Variants in ADGRG5 observed in about 807,000 individuals in gnomAD.
The protein encoded by ADGRG5 is G protein-coupled receptor 114.
A neutral mutation model predicts 53.2 loss-of-function variants in ADGRG5; 37 were observed. That is an observed-to-expected ratio of 0.70 (90% CI 0.53 to 0.91). ADGRG5 has a LOEUF of 0.91. ADGRG5 is among the 40% of genes least tolerant of loss of function. ADGRG5 has a pLI of 0.00. For missense variants in ADGRG5, 614 were observed against 675.8 expected, an observed-to-expected ratio of 0.91 and a Z score of 1.01; for synonymous variants, 277 against 290.4, an observed-to-expected ratio of 0.95 and a Z score of 0.47.
chr16:57,537,444 A>T, the ADGRG5 span, among the ~76,000 whole-genome samples: 1 of 152,234 alleles, frequency 6.6e-6, no homozygotes. Flanking sequence ...TGATTAACGG[A>T]GTTTAGATTA....
In ADGRG5 at chr16:57,574,874, C is replaced by G. The variant is rs761981384; in HGVS notation, c.1268C>G (p.Thr423Arg). 3 of 1,611,394 alleles carry G rather than the reference C, an allele frequency of 1.9e-6. No homozygotes were observed. The highest frequency in any genetic ancestry group is 2.5e-6 in the Non-Finnish European group (3 of 1,179,306). ...CTGGTCATGGGCTACGGCGGCCTCA[C>G]GTCCCTCTTCAACCTGGTGGTGCTG... ...SVLVMGYGGL[T>R]SLFNLVVLAW... The change falls in exon 11 of 12, where the codon ACG becomes AGG. Residue 423 changes from threonine (T) to arginine (R), a missense_variant. By Grantham distance (71) the Thr-to-Arg change is moderately conservative. Transcript: ENST00000349457. The surrounding 1 kb of genome is among the most constrained non-coding windows in gnomAD (Gnocchi z 4.4).
chr16:57,568,240 C>A, intron 9 of ADGRG5, 116 bp downstream of exon 9: 2 of 999,332 alleles, frequency 2.0e-6, no homozygotes, highest in African/African-American at 1.6e-5. Context: ...ACATGACCAC[C>A]AGCTGTGAAC....
intron 1 of ADGRG5, chr16:57,543,300 T>TTG (rs2032532282): frequency 6.7e-6 from 1 of 148,220 alleles, no homozygotes; most frequent in East Asian, 2.0e-4. Flanking sequence ...TTTTTTTTTT[T>TTG]GAGACGGAGT....
chr16:57,563,607 G>A (rs2033056788), intron 4 of ADGRG5, among the ~76,000 whole-genome samples: 1 of 152,234 alleles, frequency 6.6e-6, no homozygotes, highest in Non-Finnish European at 1.5e-5. Flanking sequence ...CTGGGGCTGG[G>A]TGCTGAGGTA....
At chr16:57,550,879 T>C (rs112302914) in intron 1 of ADGRG5, among the ~76,000 whole-genome samples, 2 of 152,178 alleles carry the variant, frequency 1.3e-5, no homozygotes, top group African/African-American at 4.8e-5. Flanking sequence ...AATACAAAAA[T>C]TAGCCGAGCA....
Position 57,575,766 on chromosome 16 carries a change from A to C in ADGRG5, c.*228A>C, listed in dbSNP as rs1178582415. 1 of 523,034 alleles carries C rather than the reference A, an allele frequency of 1.9e-6. No individual in the cohort carries two copies. Among genetic ancestry groups the C allele is most frequent in the African/African-American group, 1.9e-5 (1 of 52,318 alleles). 32.4% of individuals were successfully genotyped at this position (523,034 alleles called of 1,614,324 possible). The stretch of plus-strand genomic sequence containing the variant: ...CAGATCCAACCTTACCTGGGGCAGC[A>C]AACTTTGTCCTGGTACCTGGGCCCA... On this transcript the variant is annotated 3_prime_UTR_variant, in exon 12 of 12. Coordinates refer to ENST00000349457, the MANE Select transcript of ADGRG5 (RefSeq NM_001304376.3).
chr16:57,568,485 C>T (rs1194993742), intron 9 of ADGRG5, among the ~76,000 whole-genome samples: 1 of 151,302 alleles, frequency 6.6e-6, no homozygotes, highest in Non-Finnish European at 1.5e-5. Context: ...TTATCGCCAT[C>T]ACCTCCTCCA....
chr16:57,564,117 C>T, intron 5 of ADGRG5, 138 bp downstream of exon 5: 1 of 929,806 alleles, frequency 1.1e-6, no homozygotes, highest in South Asian at 1.6e-5. Flanking sequence ...TCCAAGCCAG[C>T]AATTGTCCCT....
the ADGRG5 span, among the ~76,000 whole-genome samples, chr16:57,535,008 C>T: frequency 6.6e-6 from 1 of 152,210 alleles, no homozygotes; most frequent in African/African-American, 2.4e-5. Flanking sequence ...GTGCCCCAAC[C>T]CCTTCCCCGG....
the ADGRG5 span, among the ~76,000 whole-genome samples, chr16:57,531,022 C>T: frequency 6.6e-6 from 1 of 151,942 alleles, no homozygotes; most frequent in African/African-American, 2.4e-5. Flanking sequence ...AGGTGAACCC[C>T]CTGGGCTTAT....
rs77735549 is a variant in ADGRG5, at chr16:57,574,304, C to T, written c.1209-511C>T. Among the ~76,000 whole-genome samples, 4,873 of 152,286 alleles carry T rather than the reference C, an allele frequency of 0.032. 256 individuals carry two copies. The highest frequency in any genetic ancestry group is 0.11 in the African/African-American group (4,451 of 41,538). ...TCCACCAAGCCACAGGTTGGCAGCC[C>T]GCCCACTCTCCAGCGCAGGCCTTGG... On this transcript the variant is annotated intron_variant, in intron 10 of 11. Transcript: ENST00000349457. The surrounding 1 kb of genome is among the most constrained non-coding windows in gnomAD (Gnocchi z 4.4).
intron 1 of ADGRG5, among the ~76,000 whole-genome samples, chr16:57,559,953 G>A (rs573702190): frequency 1.3e-5 from 2 of 152,104 alleles, no homozygotes; most frequent in Admixed American, 6.5e-5. Context: ...TCGTTTTCTT[G>A]TACAACTTGG....
chr16:57,575,092 G>A lies in ADGRG5; in HGVS notation c.1486G>A (p.Gly496Ser), dbSNP rs146406891. The A allele has an allele frequency of 6.8e-6, 11 of 1,610,180 alleles. No individual in the cohort carries two copies. Among genetic ancestry groups the A allele is most frequent in the Middle Eastern group, 1.7e-4 (1 of 6,040 alleles). Reference sequence around the variant, plus strand: ...CTTCACCATCTTAAACTCGCTCTACGGTAGGGCTGGAGGGCGGCCTGGAGG... The same window carrying A: ...CTTCACCATCTTAAACTCGCTCTACAGTAGGGCTGGAGGGCGGCCTGGAGG... ...FLFTILNSLY[G>S]FFLFLWFCSQ... Residue 496 changes from glycine (G) to serine (S), a missense_variant and splice_region_variant, in exon 11 of 12, where the codon GGT becomes AGT. By Grantham distance (56) the Gly-to-Ser change is moderately conservative. Coordinates refer to ENST00000349457, the MANE Select transcript of ADGRG5 (RefSeq NM_001304376.3).
chr16:57,561,412 A>G (rs946869987), intron 1 of ADGRG5, among the ~76,000 whole-genome samples: 4 of 151,892 alleles, frequency 2.6e-5, no homozygotes, highest in Non-Finnish European at 5.9e-5. Context: ...GTCTTCTTTC[A>G]TGATTTACTC....
intron 4 of ADGRG5, among the ~76,000 whole-genome samples, chr16:57,563,617 A>T (rs1330595369): frequency 1.3e-5 from 2 of 152,202 alleles, no homozygotes; most frequent in African/African-American, 4.8e-5. Flanking sequence ...GTGCTGAGGT[A>T]GCTCCATCTT....
At chr16:57,532,487 C>T in the ADGRG5 span, among the ~76,000 whole-genome samples, 1 of 152,160 alleles carries the variant, frequency 6.6e-6, no homozygotes, top group Admixed American at 6.6e-5. Context: ...AACATCTGTG[C>T]ACACACAGAC....
intron 1 of ADGRG5, among the ~76,000 whole-genome samples, chr16:57,561,664 G>A (rs117809737): frequency 4.6e-5 from 7 of 152,364 alleles, no homozygotes; most frequent in Non-Finnish European, 8.8e-5. Flanking sequence ...AGGAGAGACA[G>A]ATCCTACCCA....
At chr16:57,561,743 C>T (rs1184682680) in intron 1 of ADGRG5, among the ~76,000 whole-genome samples, 2 of 152,160 alleles carry the variant, frequency 1.3e-5, no homozygotes, top group Non-Finnish European at 2.9e-5. Context: ...AACACCGTCC[C>T]CCTGGGTAGA....
At chr16:57,551,965 C>T (rs1313800637) in intron 1 of ADGRG5, among the ~76,000 whole-genome samples, 1 of 152,124 alleles carries the variant, frequency 6.6e-6, no homozygotes, top group East Asian at 1.9e-4. Context: ...CCTTGTGCAT[C>T]TCCATCAGAG....
Sources: allele counts gnomAD v4.1 joint callset (sites outside exome capture counted in the v4.1 genomes callset), GRCh38; gene constraint gnomAD v4.1.1; non-coding constraint Gnocchi (gnomAD v3.1); transcripts MANE v1.5; gene names NCBI Gene and HGNC (gene_info 2026-07-23, HGNC 2026-07-21).